Variants in HMCN2 observed in about 807,000 individuals in gnomAD.
HMCN2 encodes the protein hemicentin-2.
In HMCN2, 325 loss-of-function variants were observed where a neutral mutation model predicts 377.5. That is an observed-to-expected ratio of 0.86 (90% CI 0.79 to 0.94). HMCN2 has a LOEUF of 0.94. HMCN2 is among the 40% of genes least tolerant of loss of function. The probability of loss-of-function intolerance (pLI) is 0.00; values close to 1 mark genes in which losing one functional copy is unlikely to be tolerated. For synonymous variants in HMCN2, 2,007 were observed against 2,046.8 expected (o/e 0.98, Z 0.53); for missense variants, 4,543 against 4,725.3 (o/e 0.96, Z 1.13).
rs59840488 is a variant in HMCN2, at chr9:130,267,030, C to T, written c.259+893C>T. ...GCGTGATCACAGCTCGCTGCAGCCT[C>T]GAACTCCTGGGCTCAGGTGACCCTC... is the stretch of plus-strand genomic sequence containing the variant. On this transcript the variant is annotated intron_variant, in intron 1 of 97. Coordinates refer to ENST00000683500, the MANE Select transcript of HMCN2 (RefSeq NM_001291815.2). 6.6e-5 allele frequency among the ~76,000 whole-genome samples: 10 copies of T among 152,150 alleles called. No homozygotes were observed. The South Asian group carries it at 1.0e-3, about 16-fold the overall frequency.
Position 130,424,152 on chromosome 9 carries a change from C to CAT in HMCN2, c.13382-607_13382-606dup, listed in dbSNP as rs34210773. Reference sequence around the variant, plus strand: ...AATGCCACCACACCTGGCTAATGTCCATATATATATATATATATTTTTTTT... The same window carrying CAT: ...AATGCCACCACACCTGGCTAATGTCCATATATATATATATATATATTTTTTTT... On this transcript the variant is annotated intron_variant, in intron 87 of 97. Coordinates refer to ENST00000683500, the MANE Select transcript of HMCN2 (RefSeq NM_001291815.2). Among the ~76,000 whole-genome samples, 429 of 135,800 alleles carry CAT rather than the reference C, an allele frequency of 3.2e-3. 1 individual carries two copies. Among genetic ancestry groups the CAT allele is most frequent in the African/African-American group, 9.4e-3 (337 of 35,846 alleles). The allele number at this position is 135,800 out of a possible 152,430, so 89.1% of individuals were successfully genotyped here.
chr9:130,289,844 C>T (rs1253338886), intron 4 of HMCN2, among the ~76,000 whole-genome samples: 1 of 152,180 alleles, frequency 6.6e-6, no homozygotes, highest in Non-Finnish European at 1.5e-5. Flanking sequence ...CACGGTAAGC[C>T]TCCTGGCACA....
intron 48 of HMCN2, 124 bp downstream of exon 48, chr9:130,373,248 A>G (rs2131604038): frequency 5.8e-6 from 1 of 172,448 alleles, no homozygotes; most frequent in South Asian, 1.9e-4. Flanking sequence ...GTCTCTCTAC[A>G]TCTTGGACTC....
chr9:130,272,374 G>T (rs1280755253), intron 1 of HMCN2, among the ~76,000 whole-genome samples: 3 of 148,582 alleles, frequency 2.0e-5, no homozygotes, highest in African/African-American at 7.3e-5. Context: ...CTTAGTAGCT[G>T]GGATTACAGA....
rs1026797857 is a variant in HMCN2, at chr9:130,375,671, C to T, written c.7739C>T (p.Pro2580Leu). 11 of 985,840 alleles carry T rather than the reference C, an allele frequency of 1.1e-5. No individual in the cohort carries two copies. The African/African-American group carries it at 1.9e-4, about 17-fold the overall frequency. 61.1% of individuals were successfully genotyped at this position (985,840 alleles called of 1,614,324 possible). The change falls in exon 50 of 98, where the codon CCC becomes CTC. Residue 2580 changes from proline (P) to leucine (L), a missense_variant. Coordinates refer to ENST00000683500, the MANE Select transcript of HMCN2 (RefSeq NM_001291815.2). ...LICEALAFPS[P>L]NITWMKDGAP... Reference sequence around the variant, plus strand: ...TGCGAGGCCCTGGCCTTCCCTTCCCCCAACATCACCTGGATGAAGGACGGG... The same window carrying T: ...TGCGAGGCCCTGGCCTTCCCTTCCCTCAACATCACCTGGATGAAGGACGGG...
intron 1 of HMCN2, among the ~76,000 whole-genome samples, chr9:130,271,621 C>T (rs1434499429): frequency 6.7e-6 from 1 of 148,860 alleles, no homozygotes; most frequent in Non-Finnish European, 1.5e-5. Context: ...TTCCCACATT[C>T]CTACTTTTTG....
chr9:130,395,649 G>A (rs896527031), intron 71 of HMCN2, among the ~76,000 whole-genome samples: 2 of 152,174 alleles, frequency 1.3e-5, no homozygotes, highest in African/African-American at 2.4e-5. Flanking sequence ...AAGGCTCTCC[G>A]TGCCCACCCC....
intron 33 of HMCN2, 109 bp downstream of exon 33, chr9:130,355,963 G>A: frequency 1.1e-6 from 1 of 911,260 alleles, no homozygotes; most frequent in Non-Finnish European, 1.5e-6. Context: ...CCAGGAGTAG[G>A]AAAGAGGCCT....
chr9:130,389,318 A>G (rs1017404252), intron 62 of HMCN2, among the ~76,000 whole-genome samples: 3 of 152,202 alleles, frequency 2.0e-5, no homozygotes, highest in Non-Finnish European at 4.4e-5. Flanking sequence ...TTGTGTGACC[A>G]TCACCACAAT....
At chr9:130,267,476 A>ACACACACACG (rs1265312371) in intron 1 of HMCN2, among the ~76,000 whole-genome samples, 35 of 149,928 alleles carry the variant, frequency 2.3e-4, no homozygotes, top group African/African-American at 7.9e-4. Flanking sequence ...ACACACACAC[A>ACACACACACG]CGCACAGATT....
chr9:130,396,162 T>G lies in HMCN2; in HGVS notation c.11054-7T>G. On this transcript the variant is annotated splice_region_variant and splice_polypyrimidine_tract_variant and intron_variant, in intron 72 of 97. Coordinates refer to ENST00000683500, the MANE Select transcript of HMCN2 (RefSeq NM_001291815.2). ...CCCAGCACCACTCCCTCTGTGCCCC[T>G]CCCCAGCGGTGCCCACCATCCGGTC... is the stretch of plus-strand genomic sequence containing the variant. The G allele has an allele frequency of 1.6e-6, 2 of 1,215,458 alleles. No individual in the cohort carries two copies. The highest frequency in any genetic ancestry group is 2.1e-6 in the Non-Finnish European group (2 of 952,530). 75.3% of individuals were successfully genotyped at this position (1,215,458 alleles called of 1,614,324 possible).
At chr9:130,299,541 A>G (rs1163679330) in intron 8 of HMCN2, among the ~76,000 whole-genome samples, 1 of 152,044 alleles carries the variant, frequency 6.6e-6, no homozygotes, top group East Asian at 1.9e-4. Flanking sequence ...TCATCCATCC[A>G]TCCACCCATT....
In HMCN2 at chr9:130,423,458, C is replaced by G. The variant is rs1311711002; in HGVS notation, c.13381+732C>G. 6.6e-6 allele frequency among the ~76,000 whole-genome samples: 1 copy of G among 152,212 alleles called. No homozygotes were observed. Among genetic ancestry groups the G allele is most frequent in the Non-Finnish European group, 1.5e-5 (1 of 68,040 alleles). On this transcript the variant is annotated intron_variant, in intron 87 of 97. Coordinates refer to ENST00000683500, the MANE Select transcript of HMCN2 (RefSeq NM_001291815.2). This position sits in a 1 kb window ranked among gnomAD's most constrained non-coding sequence, Gnocchi z 5.5. ...TCACTCTGAGCTGGCTGTCAGCAGA[C>G]AGCAGATGAAGCGAGACGCTGCCCA... is the stretch of plus-strand genomic sequence containing the variant.
In HMCN2 at chr9:130,391,470, C is replaced by T. The variant is rs1842319327; in HGVS notation, c.9848C>T (p.Ser3283Phe). 1 of 987,868 alleles carries T rather than the reference C, an allele frequency of 1.0e-6. No individual in the cohort carries two copies. Among genetic ancestry groups the T allele is most frequent in the Non-Finnish European group, 1.2e-6 (1 of 830,184 alleles). 61.2% of individuals were successfully genotyped at this position (987,868 alleles called of 1,614,324 possible). The change falls in exon 65 of 98, where the codon TCC becomes TTC. Residue 3283 changes from serine to phenylalanine, a missense_variant. This residue lies in a region of HMCN2 where 1,073 missense variants were observed against 1,319.5 expected (regional missense o/e 0.81). Coordinates refer to ENST00000683500, the MANE Select transcript of HMCN2 (RefSeq NM_001291815.2). ...GGCAGGTTCTACCTGGACGGCGGCT[C>T]CCTGGTGCTAAAAGGCCTGAGGGCC... ...PHLRFYLDGG[S>F]LVLKGLRASD... is the part of the protein sequence containing the mutation.
chr9:130,415,344 C>T lies in HMCN2; in HGVS notation c.12962-3428C>T, dbSNP rs556263640. On this transcript the variant is annotated intron_variant, in intron 85 of 97. Coordinates refer to ENST00000683500, the MANE Select transcript of HMCN2 (RefSeq NM_001291815.2). ...TGTTTGAGTCATCTGGTAAGGATTTCCTTTTTATTTTTTGATGGGGTCTTG... is the reference window on the plus strand; with the variant it reads ...TGTTTGAGTCATCTGGTAAGGATTTTCTTTTTATTTTTTGATGGGGTCTTG... 8.5e-5 allele frequency among the ~76,000 whole-genome samples: 13 copies of T among 152,244 alleles called. No homozygotes were observed. In the South Asian group the frequency reaches 2.5e-3, roughly 29 times the overall value.
chr9:130,328,141 C>T (rs1838244673), intron 22 of HMCN2, among the ~76,000 whole-genome samples: 1 of 152,220 alleles, frequency 6.6e-6, no homozygotes, highest in Non-Finnish European at 1.5e-5. Context: ...TGTAACGTGA[C>T]CCCCGCCCCC....
At chr9:130,368,893 G>A (rs1295884028) in intron 44 of HMCN2, among the ~76,000 whole-genome samples, 4 of 152,094 alleles carry the variant, frequency 2.6e-5, no homozygotes, top group Non-Finnish European at 4.4e-5. Context: ...CTCTCTGCAC[G>A]TGGGGATTAC....
intron 60 of HMCN2, 125 bp from the exon 61 acceptor site, chr9:130,386,318 G>C: frequency 2.4e-6 from 1 of 414,170 alleles, no homozygotes; most frequent in Non-Finnish European, 4.3e-6. Context: ...TGGCTCCCCA[G>C]TCAGGACCAG....
chr9:130,398,772 C>T (rs1564855758), intron 75 of HMCN2, 65 bp downstream of exon 75: 13 of 977,546 alleles, frequency 1.3e-5, no homozygotes, highest in East Asian at 6.2e-5. Context: ...TCTCTTCTCA[C>T]GGGGGCATGG....
Sources: gnomAD v4.1 joint callset for allele counts (sites outside exome capture counted in the v4.1 genomes callset) on GRCh38, gnomAD v4.1.1 for gene constraint, gnomAD v4.1.1 regional missense constraint, Gnocchi (gnomAD v3.1) non-coding constraint, MANE v1.5 for transcripts, NCBI Gene and HGNC (gene_info 2026-07-23, HGNC 2026-07-21) for gene names.